The following SCN7A variants were observed in gnomAD, a reference collection of about 807,000 sequenced individuals.
SCN7A encodes sodium voltage-gated channel alpha subunit 7.
A neutral mutation model predicts 155.2 loss-of-function variants in SCN7A; 138 were observed. The observed-to-expected ratio is 0.89, with a 90% CI of 0.77 to 1.02. SCN7A has a LOEUF of 1.02. SCN7A is among the 50% of genes least tolerant of loss of function. The pLI is 0.00. For synonymous variants in SCN7A, 693 were observed against 649.0 expected, an observed-to-expected ratio of 1.07 and a Z score of -1.03; for missense variants, 2,058 against 1,986.6, an observed-to-expected ratio of 1.04 and a Z score of -0.68.
intron 4 of SCN7A, 135 bp from the exon 5 acceptor site, chr2:166,474,023 C>A: frequency 1.9e-6 from 1 of 528,586 alleles, no homozygotes; most frequent in Non-Finnish European, 3.3e-6. Flanking sequence ...TTAATATTTA[C>A]TATTGTTGTG....
At chr2:166,410,152 AG>A (rs1701168410) in intron 24 of SCN7A, 67 bp downstream of exon 24, 3 of 1,238,096 alleles carry the variant, frequency 2.4e-6, no homozygotes. Context: ...ACATTTGTTA[AG>A]GCTTTAAAAG....
At chr2:166,441,143 A>G (rs2105432749) in intron 15 of SCN7A, 1 of 438,026 alleles carries the variant, frequency 2.3e-6, no homozygotes, top group South Asian at 8.2e-5. Flanking sequence ...TGCATTCAAT[A>G]TAAAAATTAT....
At chr2:166,475,121 C>CATATATACGTATATATATATATATACGT (rs1559125289) in intron 3 of SCN7A, among the ~76,000 whole-genome samples, 1 of 102,234 alleles carries the variant, frequency 9.8e-6, no homozygotes, top group Non-Finnish European at 2.0e-5. Flanking sequence ...TATATATATA[C>CATATATACGTATATATATATATATACGT]ATATATATAT....
intron 15 of SCN7A, chr2:166,436,489 G>A: frequency 2.7e-6 from 1 of 366,620 alleles, no homozygotes; most frequent in East Asian, 8.8e-5. Flanking sequence ...AAATTATCCA[G>A]CCTTGGTTAC....
At chr2:166,420,371 G>T (rs1036842830) in intron 20 of SCN7A, among the ~76,000 whole-genome samples, 3 of 151,846 alleles carry the variant, frequency 2.0e-5, no homozygotes, top group Non-Finnish European at 4.4e-5. Flanking sequence ...GTGGCAGACT[G>T]ATATGAAAAA....
At chr2:166,447,257 TG>T (rs1429455969) in intron 12 of SCN7A, among the ~76,000 whole-genome samples, 1 of 152,190 alleles carries the variant, frequency 6.6e-6, no homozygotes, top group Non-Finnish European at 1.5e-5. Context: ...CTTTTGATAT[TG>T]TCCATGATAA....
At chr2:166,457,124 T>C (rs1702302539) in intron 10 of SCN7A, 48 bp from the exon 11 acceptor site, 1 of 1,323,250 alleles carries the variant, frequency 7.6e-7, no homozygotes, top group African/African-American at 1.5e-5. Context: ...GTTATTTATC[T>C]TCCAGGATTC....
chr2:166,441,775 A>G (rs377102316), intron 14 of SCN7A, 23 bp from the exon 15 acceptor site: 1 of 1,551,936 alleles, frequency 6.4e-7, no homozygotes, highest in Non-Finnish European at 8.7e-7. Flanking sequence ...TGTAAAATCA[A>G]GAACAAGAAA....
intron 16 of SCN7A, among the ~76,000 whole-genome samples, chr2:166,430,576 T>C (rs1247988381): frequency 6.6e-6 from 1 of 151,892 alleles, no homozygotes; most frequent in Non-Finnish European, 1.5e-5. Flanking sequence ...GGTGAGTAGG[T>C]ATTTTTCTAA....
intron 3 of SCN7A, among the ~76,000 whole-genome samples, chr2:166,476,442 G>C (rs1702799396): frequency 6.6e-6 from 1 of 151,852 alleles, no homozygotes; most frequent in Admixed American, 6.6e-5. Flanking sequence ...ATTTCATTTT[G>C]TCAGTGGCAT....
In SCN7A at chr2:166,411,811, C is replaced by G. The variant is rs564032954; in HGVS notation, c.3606+719G>C. On this transcript the variant is annotated intron_variant, in intron 23 of 25. Coordinates refer to ENST00000643258, the MANE Select transcript of SCN7A (RefSeq NM_002976.4). ...CCTTGGATAAGGAGAGTCTACTGTA[C>G]CAGATTTTACACATGGCTAAAGTTT... 4.8e-4 allele frequency among the ~76,000 whole-genome samples: 73 copies of G among 152,098 alleles called. 1 individual carries two copies. The highest frequency in any genetic ancestry group is 1.7e-3 in the African/African-American group (71 of 41,514).
At chr2:166,444,691 T>G (rs572851780) in intron 13 of SCN7A, 71 bp downstream of exon 13, 1 of 828,454 alleles carries the variant, frequency 1.2e-6, no homozygotes, top group Non-Finnish European at 1.9e-6. Flanking sequence ...ATGGGAATAA[T>G]GATGAACAAA....
Position 166,427,931 on chromosome 2 carries a change from C to T in SCN7A, c.2710G>A (p.Gly904Arg), listed in dbSNP as rs34324751. The change falls in exon 18 of 26, where the codon GGA (glycine) becomes AGA (arginine). Residue 904 changes from glycine (G) to arginine (R), a missense_variant. Gly to Arg is a moderately radical substitution (Grantham distance 125, BLOSUM62 -2). Transcript: ENST00000643258. ...CCACTGATTTGACCAAGTGAAGATCCGCGTCTGCAACCTGTCAAGATTGAA... is the reference window on the plus strand; with the variant it reads ...CCACTGATTTGACCAAGTGAAGATCTGCGTCTGCAACCTGTCAAGATTGAA... ...SKHLKNGCRR[G>R]SSLGQISGAS... 6.7e-4 allele frequency: 1,084 copies of T among 1,612,258 alleles called. 8 individuals are homozygous for T. The African/African-American group carries it at 0.013, about 20-fold the overall frequency.
Position 166,406,090 on chromosome 2 carries a change from A to G in SCN7A, c.4539T>C (p.Asp1513=), listed in dbSNP as rs1701065419. The part of the protein sequence containing the change: ...SKKKNKTLSE[D]DFRKFFQVWK... ...ATACCTGAAAGAATTTCCTAAAATC[A>G]TCTTCACTCAAGGTCTTGTTTTTCT... Residue 1513 remains aspartate, a synonymous_variant, in exon 26 of 26, where the codon GAT becomes GAC. Transcript: ENST00000643258. 1 of 1,612,444 alleles carries G rather than the reference A, an allele frequency of 6.2e-7. No individual in the cohort carries two copies. Among genetic ancestry groups the G allele is most frequent in the Non-Finnish European group, 8.5e-7 (1 of 1,179,088 alleles).
intron 25 of SCN7A, among the ~76,000 whole-genome samples, chr2:166,408,359 G>A (rs1294370962): frequency 6.6e-6 from 1 of 151,808 alleles, no homozygotes; most frequent in Non-Finnish European, 1.5e-5. Context: ...CCATTTAAAA[G>A]CCGGTTTCTG....
At chr2:166,481,053 G>A (rs1323760129) in intron 2 of SCN7A, among the ~76,000 whole-genome samples, 2 of 152,138 alleles carry the variant, frequency 1.3e-5, no homozygotes, top group Non-Finnish European at 2.9e-5. Context: ...GTGGCCAATG[G>A]ATACGACATA....
intron 15 of SCN7A, among the ~76,000 whole-genome samples, chr2:166,439,055 G>GTGTGTGTATATA (rs375208870): frequency 2.0e-4 from 23 of 113,410 alleles, no homozygotes; most frequent in South Asian, 5.8e-4. Flanking sequence ...GTGTGTGTGT[G>GTGTGTGTATATA]TATATATATA....
Position 166,406,471 on chromosome 2 carries a change from GAGA to G in SCN7A, c.4155_4157del (p.Leu1386del). 1 of 1,612,852 alleles carries G rather than the reference GAGA, an allele frequency of 6.2e-7. No individual in the cohort carries two copies. The highest frequency in any genetic ancestry group is 8.5e-7 in the Non-Finnish European group (1 of 1,179,300). ...CATAGATGAACATGACCAGGAAGAT[GAGA>G]AGAATGATGTTCAATAATGCTGGGA... is the stretch of plus-strand genomic sequence containing the variant. On this transcript the variant is annotated inframe_deletion, in exon 26 of 26. Transcript: ENST00000643258.
chr2:166,489,030 A>T (rs1383570800), intron 1 of SCN7A, among the ~76,000 whole-genome samples: 1 of 152,202 alleles, frequency 6.6e-6, no homozygotes, highest in East Asian at 1.9e-4. Context: ...CATATTTGCA[A>T]GGATGTTTAT....
Sources: allele counts gnomAD v4.1 joint callset (sites outside exome capture counted in the v4.1 genomes callset), GRCh38; gene constraint gnomAD v4.1.1; transcripts MANE v1.5; gene names NCBI Gene and HGNC (gene_info 2026-07-23, HGNC 2026-07-21).